ZCCHC24: variants seen among roughly 807,000 people sequenced by gnomAD.
ZCCHC24 encodes zinc finger CCHC-type containing 24.
ZCCHC24 carries 10 observed loss-of-function variants against 26.2 expected under a neutral mutation model. That is an observed-to-expected ratio of 0.38 (90% CI 0.24 to 0.65). The LOEUF is 0.65. Ranked by LOEUF, ZCCHC24 falls within the 30% of genes least tolerant of loss-of-function variation. The pLI is 0.54. For synonymous variants in ZCCHC24, 144 were observed against 147.1 expected (o/e 0.98, Z 0.15); for missense variants, 243 against 329.1 (o/e 0.74, Z 2.03).
At chr10:79,413,198 T>C (rs1051396403) in intron 2 of ZCCHC24, among the ~76,000 whole-genome samples, 7 of 152,212 alleles carry the variant, frequency 4.6e-5, no homozygotes, top group African/African-American at 1.7e-4. Flanking sequence ...GGTTTTCCCC[T>C]GGGGTCTCAT....
intron 2 of ZCCHC24, among the ~76,000 whole-genome samples, chr10:79,420,688 G>A (rs926269753): frequency 2.6e-5 from 4 of 152,082 alleles, no homozygotes; most frequent in African/African-American, 7.2e-5. Context: ...CAGGAGAATC[G>A]CTTGAACTCG....
chr10:79,438,707 T>G (rs1420643351), intron 1 of ZCCHC24, among the ~76,000 whole-genome samples: 1 of 152,198 alleles, frequency 6.6e-6, no homozygotes, highest in Non-Finnish European at 1.5e-5. Context: ...AAGTCTAGGT[T>G]ATTTTTGGTG....
chr10:79,426,750 A>G (rs1192087869), intron 2 of ZCCHC24, among the ~76,000 whole-genome samples: 1 of 152,248 alleles, frequency 6.6e-6, no homozygotes, highest in African/African-American at 2.4e-5. Context: ...AAAGCAATTT[A>G]TTGTGTTATT....
At chr10:79,406,570 C>G (rs1431885247) in intron 2 of ZCCHC24, among the ~76,000 whole-genome samples, 1 of 152,190 alleles carries the variant, frequency 6.6e-6, no homozygotes, top group African/African-American at 2.4e-5. Context: ...GGAGTGTCCC[C>G]AAATGGTCAC....
rs546810180 is a variant in ZCCHC24, at chr10:79,419,457, C to T, written c.447+13101G>A. ...CTCAGTGAGACTCCGCTGCCTGGGG[C>T]TCTCCTGTTCTTACTGAGGTTGAGG... On this transcript the variant is annotated intron_variant, in intron 2 of 3. Transcript: ENST00000372336. Among the ~76,000 whole-genome samples the T allele has an allele frequency of 2.0e-5, 3 of 152,328 alleles. No homozygotes were observed. The South Asian group carries it at 6.2e-4, about 32-fold the overall frequency.
intron 2 of ZCCHC24, among the ~76,000 whole-genome samples, chr10:79,405,280 C>T (rs1856695988): frequency 6.6e-6 from 1 of 152,238 alleles, no homozygotes; most frequent in African/African-American, 2.4e-5. Context: ...TCCCACAAGC[C>T]TCTCTGTGTG....
chr10:79,431,193 A>C (rs182661551), intron 2 of ZCCHC24, among the ~76,000 whole-genome samples: 338 of 152,302 alleles, frequency 2.2e-3, no homozygotes, highest in African/African-American at 7.8e-3. Flanking sequence ...GCTCAGCTGG[A>C]CAAAGTGCAA....
At chr10:79,413,779 T>TGTGAGAGA (rs1365480096) in intron 2 of ZCCHC24, among the ~76,000 whole-genome samples, 11 of 146,672 alleles carry the variant, frequency 7.5e-5, no homozygotes, top group East Asian at 4.1e-4. Flanking sequence ...TGTGTGTGTG[T>TGTGAGAGA]GAGAGAGAGA....
intron 2 of ZCCHC24, among the ~76,000 whole-genome samples, chr10:79,404,018 G>A (rs1020125363): frequency 6.6e-6 from 1 of 151,920 alleles, no homozygotes; most frequent in African/African-American, 2.4e-5. Flanking sequence ...GTGAGAGAGC[G>A]CCCGTCAGAG....
chr10:79,441,013 G>A (rs1052539889), intron 1 of ZCCHC24, among the ~76,000 whole-genome samples: 9 of 151,700 alleles, frequency 5.9e-5, no homozygotes, highest in African/African-American at 2.2e-4. Flanking sequence ...AGAGCTGGGA[G>A]CATCCTCCCG....
At chr10:79,426,992 T>A (rs368784255) in intron 2 of ZCCHC24, among the ~76,000 whole-genome samples, 1 of 100,732 alleles carries the variant, frequency 9.9e-6, no homozygotes, top group Non-Finnish European at 2.2e-5. Context: ...AAATAAAAGA[T>A]AGGAAAATAT....
rs1199847797 is a variant in ZCCHC24 at position 79,385,276 on chromosome 10, T to G, written c.*1069A>C. ...GCACCTGGGAGGTTTCTCCCACCAT[T>G]CTGGGTGAAACTCCCCAAATAAAGC... is the stretch of plus-strand genomic sequence containing the variant. On this transcript the variant is annotated 3_prime_UTR_variant, in exon 4 of 4. Transcript: ENST00000372336. The surrounding 1 kb of genome is among the most constrained non-coding windows in gnomAD (Gnocchi z 4.3). 1 of 152,156 alleles carries G rather than the reference T, an allele frequency of 6.6e-6. No homozygotes were observed. Among genetic ancestry groups the G allele is most frequent in the Non-Finnish European group, 1.5e-5 (1 of 68,042 alleles). The allele number at this position is 152,156 out of a possible 1,614,324, so 9.4% of individuals were successfully genotyped here.
At chr10:79,396,530 C>T (rs1033010791) in intron 2 of ZCCHC24, among the ~76,000 whole-genome samples, 8 of 152,206 alleles carry the variant, frequency 5.3e-5, no homozygotes, top group African/African-American at 9.7e-5. Flanking sequence ...ACTAGGCCCT[C>T]GCAGGCTTTG....
chr10:79,390,704 G>C (rs1856468164), intron 3 of ZCCHC24, among the ~76,000 whole-genome samples: 1 of 152,230 alleles, frequency 6.6e-6, no homozygotes. Context: ...GTGGTGGAGG[G>C]CCTCCCCCAC....
Position 79,427,184 on chromosome 10 carries a change from A to G in ZCCHC24, c.447+5374T>C, listed in dbSNP as rs553077908. The stretch of plus-strand genomic sequence containing the variant: ...AGGTGTACCTAATAATAGAACACTC[A>G]AATGAATGAAGCAAAAACTGACAGA... On this transcript the variant is annotated intron_variant, in intron 2 of 3. Transcript: ENST00000372336. 2.0e-5 allele frequency among the ~76,000 whole-genome samples: 3 copies of G among 152,320 alleles called. No homozygotes were observed. The East Asian group carries it at 5.8e-4, about 29-fold the overall frequency.
chr10:79,427,819 C>A (rs1346419349), intron 2 of ZCCHC24, among the ~76,000 whole-genome samples: 1 of 151,838 alleles, frequency 6.6e-6, no homozygotes, highest in East Asian at 1.9e-4. Flanking sequence ...TTTGAGTCTG[C>A]AATGAGTTAT....
intron 1 of ZCCHC24, among the ~76,000 whole-genome samples, chr10:79,436,250 C>T (rs1857216659): frequency 6.6e-6 from 1 of 152,216 alleles, no homozygotes; most frequent in South Asian, 2.1e-4. Context: ...CTGCCTCAGC[C>T]TGGGAATGCC....
chr10:79,386,034 G>C lies in ZCCHC24; in HGVS notation c.*311C>G. 1.9e-6 allele frequency: 1 copy of C among 521,504 alleles called. No individual in the cohort carries two copies. The highest frequency in any genetic ancestry group is 3.4e-6 in the Non-Finnish European group (1 of 290,566). 32.3% of individuals were successfully genotyped at this position (521,504 alleles called of 1,614,324 possible). A position where few individuals can be genotyped will look rare whatever the true frequency, so the allele number is the denominator to read the frequency against. On this transcript the variant is annotated 3_prime_UTR_variant, in exon 4 of 4. Coordinates refer to ENST00000372336, the MANE Select transcript of ZCCHC24 (RefSeq NM_153367.4). ...TCACCCCAAAGAGGCTCTCAGAGGC[G>C]AGCCTGTGGGGACACCCAGGGCTCC...
intron 2 of ZCCHC24, among the ~76,000 whole-genome samples, chr10:79,411,239 C>G (rs1055580059): frequency 6.6e-6 from 1 of 152,142 alleles, no homozygotes; most frequent in African/African-American, 2.4e-5. Flanking sequence ...TGAAAATCAC[C>G]TCGGGGCTGG....
Sources: gnomAD v4.1 joint callset for allele counts (sites outside exome capture counted in the v4.1 genomes callset) on GRCh38, gnomAD v4.1.1 for gene constraint, Gnocchi (gnomAD v3.1) non-coding constraint, MANE v1.5 for transcripts, NCBI Gene and HGNC (gene_info 2026-07-23, HGNC 2026-07-21) for gene names.